EAF2: variants seen among roughly 807,000 people sequenced by gnomAD.
EAF2 encodes the protein ELL-associated factor 2.
Under a neutral mutation model 29.4 loss-of-function variants are expected in EAF2, and 29 were observed. The observed-to-expected ratio is 0.99, with a 90% CI of 0.73 to 1.35. The LOEUF is 1.35. Ranked by LOEUF, EAF2 falls within the 40% of genes most tolerant of loss-of-function variation. EAF2 has a pLI of 0.00. For missense variants in EAF2, 292 were observed against 312.0 expected (o/e 0.94, Z 0.48); for synonymous variants, 103 against 102.5 (o/e 1.00, Z -0.03).
chr3:121,856,168 A>C (rs1202720449), intron 3 of EAF2, among the ~76,000 whole-genome samples: 2 of 152,182 alleles, frequency 1.3e-5, no homozygotes, highest in Non-Finnish European at 2.9e-5. Context: ...TGCCTGTCTT[A>C]AGTTATGAAT....
intron 5 of EAF2, among the ~76,000 whole-genome samples, chr3:121,880,453 GGGGTGT>G (rs1369923134): frequency 1.1e-5 from 1 of 92,790 alleles, no homozygotes; most frequent in South Asian, 3.8e-4. Flanking sequence ...TTAGTGTTTT[GGGGTGT>G]GTGTGTGTGT....
intron 2 of EAF2, among the ~76,000 whole-genome samples, chr3:121,850,941 T>A (rs982352110): frequency 1.3e-5 from 2 of 152,128 alleles, no homozygotes; most frequent in African/African-American, 2.4e-5. Context: ...CCTCAGATGA[T>A]CCACCTCCCT....
chr3:121,850,749 T>C (rs1441485956), intron 2 of EAF2, among the ~76,000 whole-genome samples: 1 of 152,204 alleles, frequency 6.6e-6, no homozygotes, highest in Non-Finnish European at 1.5e-5. Flanking sequence ...CAGGCTGGAG[T>C]GCAGTGGCGC....
At chr3:121,868,078 C>T (rs151249719) in intron 4 of EAF2, among the ~76,000 whole-genome samples, 106 of 152,084 alleles carry the variant, frequency 7.0e-4, no homozygotes, top group African/African-American at 2.3e-3. Context: ...CACACTTAAG[C>T]CCTAACATAT....
chr3:121,854,285 C>T (rs1708680913), intron 2 of EAF2, among the ~76,000 whole-genome samples: 2 of 136,192 alleles, frequency 1.5e-5, no homozygotes, highest in South Asian at 4.6e-4. Flanking sequence ...CACTGCACTC[C>T]AGCCCGGGCA....
intron 2 of EAF2, among the ~76,000 whole-genome samples, chr3:121,851,432 C>A (rs762951130): frequency 2.0e-5 from 3 of 152,142 alleles, no homozygotes; most frequent in Non-Finnish European, 4.4e-5. Context: ...CCTTAGCCAT[C>A]TAAAATGGTG....
Position 121,884,820 on chromosome 3 carries a change from CT to C in EAF2, c.737-1520del, listed in dbSNP as rs534723472. Among the ~76,000 whole-genome samples the C allele has an allele frequency of 2.9e-3, 439 of 152,276 alleles. 2 individuals carry two copies. The highest frequency in any genetic ancestry group is 0.01 in the African/African-American group (416 of 41,558). On this transcript the variant is annotated intron_variant, in intron 5 of 5. Transcript: ENST00000273668. ...ATTTATACGTGGCCTAAAAACTATTCTTCTTAAATTAGGTATTGATTTCAAA... is the reference window on the plus strand; with the variant it reads ...ATTTATACGTGGCCTAAAAACTATTCTCTTAAATTAGGTATTGATTTCAAA...
At chr3:121,836,656 A>G in intron 1 of EAF2, 1 of 987,776 alleles carries the variant, frequency 1.0e-6, no homozygotes, top group Non-Finnish European at 1.2e-6. Context: ...GCTCCCCACG[A>G]TGAGATGGTG....
At chr3:121,880,455 G>GGGGTGTGTGT (rs1033336939) in intron 5 of EAF2, among the ~76,000 whole-genome samples, 54 of 143,070 alleles carry the variant, frequency 3.8e-4, no homozygotes, top group African/African-American at 1.2e-3. Context: ...AGTGTTTTGG[G>GGGGTGTGTGT]GTGTGTGTGT....
chr3:121,881,804 C>T (rs1709194964), intron 5 of EAF2, among the ~76,000 whole-genome samples: 1 of 152,040 alleles, frequency 6.6e-6, no homozygotes, highest in South Asian at 2.1e-4. Flanking sequence ...AGCCAATGCA[C>T]CCAGCCTTAA....
At position 121,870,277 on chromosome 3, in the gene EAF2, C is replaced by T. The variant is rs1469015847; in HGVS notation, c.485-2260C>T. 3.3e-5 allele frequency among the ~76,000 whole-genome samples: 5 copies of T among 152,196 alleles called. No homozygotes were observed. In the South Asian group the frequency reaches 1.0e-3, roughly 32 times the overall value. ...TGATGAACTTAAACTCAAAAATTAT[C>T]AATGAAATATTAGCAAATTGAATCC... On this transcript the variant is annotated intron_variant, in intron 4 of 5. Coordinates refer to ENST00000273668, the MANE Select transcript of EAF2 (RefSeq NM_018456.6).
intron 5 of EAF2, among the ~76,000 whole-genome samples, chr3:121,875,690 A>G (rs1709083236): frequency 6.6e-6 from 1 of 152,062 alleles, no homozygotes; most frequent in Non-Finnish European, 1.5e-5. Flanking sequence ...AAAAACATTC[A>G]AAGAGATAAA....
At chr3:121,845,422 A>G (rs1708509898) in intron 2 of EAF2, among the ~76,000 whole-genome samples, 1 of 129,508 alleles carries the variant, frequency 7.7e-6, no homozygotes, top group Non-Finnish European at 1.6e-5. Context: ...TGGGCGATAG[A>G]GCGAGACTCC....
Position 121,844,478 on chromosome 3 carries a change from C to A in EAF2, c.132C>A (p.Asp44Glu). 6.2e-7 allele frequency: 1 copy of A among 1,609,338 alleles called. No homozygotes were observed. Among genetic ancestry groups the A allele is most frequent in the East Asian group, 2.3e-5 (1 of 44,346 alleles). The change falls in exon 2 of 6, where the codon GAC (aspartate) becomes GAA (glutamate). Residue 44 changes from aspartate (D) to glutamate (E), a missense_variant. By Grantham distance (45) the Asp-to-Glu change is conservative (BLOSUM62 2). Transcript: ENST00000273668. ...ATGACTTCAAACCTGCTTCTATTGA[C>A]ACTTCTTCTGAAGGATACCTTGAGG... is the stretch of plus-strand genomic sequence containing the variant. The part of the protein sequence containing the change: ...VRYDFKPASI[D>E]TSSEGYLEVG...
intron 1 of EAF2, among the ~76,000 whole-genome samples, chr3:121,840,515 A>AAAAAAAAAAC (rs1167466790): frequency 0.024 from 2,299 of 97,666 alleles, 181 homozygotes; most frequent in Admixed American, 0.027. Flanking sequence ...AAAAGAAAAA[A>AAAAAAAAAAC]AAAAAACGGG....
intron 5 of EAF2, among the ~76,000 whole-genome samples, chr3:121,885,297 C>T (rs1050624490): frequency 2.0e-5 from 3 of 152,150 alleles, no homozygotes; most frequent in African/African-American, 4.8e-5. Context: ...ACCACTTAGC[C>T]TCACCTCCCC....
intron 5 of EAF2, among the ~76,000 whole-genome samples, chr3:121,883,306 G>A (rs751498517): frequency 1.1e-4 from 16 of 152,174 alleles, no homozygotes; most frequent in South Asian, 4.1e-4. Flanking sequence ...ATTGTTATGC[G>A]TATTGCTGCT....
At chr3:121,867,167 A>T (rs528659710) in intron 4 of EAF2, among the ~76,000 whole-genome samples, 1 of 152,346 alleles carries the variant, frequency 6.6e-6, no homozygotes, top group Admixed American at 6.5e-5. Context: ...AAGAATGATA[A>T]AATATCCAAT....
intron 2 of EAF2, among the ~76,000 whole-genome samples, chr3:121,847,789 T>A (rs1475156456): frequency 6.6e-6 from 1 of 152,156 alleles, no homozygotes; most frequent in Admixed American, 6.5e-5. Flanking sequence ...TAAAAATAGA[T>A]GTAGTAAATC....
Sources: gnomAD v4.1 joint callset for allele counts (sites outside exome capture counted in the v4.1 genomes callset) on GRCh38, gnomAD v4.1.1 for gene constraint, MANE v1.5 for transcripts, NCBI Gene and HGNC (gene_info 2026-07-23, HGNC 2026-07-21) for gene names.